Variants in EYS observed in about 807,000 individuals in gnomAD.
EYS encodes the protein EGF-like photoreceptor maintenance factor.
A neutral mutation model predicts 282.1 loss-of-function variants in EYS; 250 were observed. The observed-to-expected ratio is 0.89, with a 90% CI of 0.80 to 0.98. The LOEUF (loss-of-function observed/expected upper bound fraction) is 0.98. Ranked by LOEUF, EYS falls within the 50% of genes least tolerant of loss-of-function variation. EYS has a pLI of 0.00. For missense variants in EYS, 4,016 were observed against 3,709.0 expected (o/e 1.08, Z -2.15); for synonymous variants, 1,355 against 1,282.9 (o/e 1.06, Z -1.20).
intron 22 of EYS, among the ~76,000 whole-genome samples, chr6:64,804,783 A>C (rs1032887925): frequency 2.0e-5 from 3 of 152,178 alleles, no homozygotes; most frequent in African/African-American, 7.2e-5. Flanking sequence ...AAATAGTCAC[A>C]AATATATTTT....
intron 12 of EYS, among the ~76,000 whole-genome samples, chr6:65,146,807 A>G (rs770131279): frequency 1.1e-4 from 17 of 151,964 alleles, no homozygotes; most frequent in Non-Finnish European, 2.2e-4. Context: ...TATTCTTTTT[A>G]CCATTTGAAG....
intron 28 of EYS, among the ~76,000 whole-genome samples, chr6:64,410,067 G>A (rs1204506012): frequency 6.6e-6 from 1 of 151,984 alleles, no homozygotes; most frequent in Non-Finnish European, 1.5e-5. Flanking sequence ...AAAAATTAGG[G>A]CATTCATGGA....
At chr6:64,023,858 G>A (rs1224097222) in intron 33 of EYS, among the ~76,000 whole-genome samples, 1 of 152,206 alleles carries the variant, frequency 6.6e-6, no homozygotes, top group Non-Finnish European at 1.5e-5. Flanking sequence ...GGCTCAGTGG[G>A]CCCCGCACTC....
At chr6:64,668,061 C>A (rs1312398767) in intron 22 of EYS, among the ~76,000 whole-genome samples, 2 of 152,096 alleles carry the variant, frequency 1.3e-5, no homozygotes, top group African/African-American at 4.8e-5. Context: ...GTTACTGCTG[C>A]TCAAAATGTG....
At chr6:64,565,969 A>C (rs1765555646) in intron 26 of EYS, among the ~76,000 whole-genome samples, 1 of 151,206 alleles carries the variant, frequency 6.6e-6, no homozygotes, top group Middle Eastern at 3.4e-3. Flanking sequence ...AAAAAAAAAA[A>C]CACCAAGCAT....
intron 14 of EYS, among the ~76,000 whole-genome samples, chr6:64,955,382 G>C (rs1278116714): frequency 6.6e-6 from 1 of 152,114 alleles, no homozygotes; most frequent in African/African-American, 2.4e-5. Context: ...AATCGATATT[G>C]TTAAAACATC....
chr6:65,295,466 A>G (rs756949133), intron 12 of EYS, among the ~76,000 whole-genome samples: 5 of 151,920 alleles, frequency 3.3e-5, no homozygotes, highest in Non-Finnish European at 7.4e-5. Flanking sequence ...ACCAAATTTT[A>G]TTCTTAAACT....
At chr6:64,663,117 T>C (rs1027332007) in intron 22 of EYS, among the ~76,000 whole-genome samples, 2 of 96,282 alleles carry the variant, frequency 2.1e-5, no homozygotes, top group Non-Finnish European at 4.7e-5. Flanking sequence ...TTGATGATTT[T>C]CCTAAAAAAT....
chr6:65,199,044 A>G (rs775711997), intron 12 of EYS, among the ~76,000 whole-genome samples: 2 of 152,076 alleles, frequency 1.3e-5, no homozygotes, highest in African/African-American at 2.4e-5. Flanking sequence ...GGCAAATTAG[A>G]GATACAAATT....
intron 5 of EYS, among the ~76,000 whole-genome samples, chr6:65,424,689 A>G (rs921891024): frequency 3.9e-5 from 6 of 152,160 alleles, no homozygotes; most frequent in Admixed American, 2.0e-4. Flanking sequence ...GCTACCTCAG[A>G]AATATTTAAA....
In EYS at chr6:65,471,132, G is replaced by A. The variant is rs568067101; in HGVS notation, c.862+19462C>T. ...AGCCTGGGTGACAGAGCACGACGCC[G>A]TCTCAAAAAACAAACAAACAAAAAC... On this transcript the variant is annotated intron_variant, in intron 5 of 42. Transcript: ENST00000503581. Among the ~76,000 whole-genome samples the A allele has an allele frequency of 1.2e-4, 18 of 148,994 alleles. No homozygotes were observed. The South Asian group carries it at 2.1e-3, about 18-fold the overall frequency.
chr6:64,192,241 A>T lies in EYS; in HGVS notation c.6424+38351T>A, dbSNP rs538240796. On this transcript the variant is annotated intron_variant, in intron 31 of 42. Coordinates refer to ENST00000503581, the MANE Select transcript of EYS (RefSeq NM_001142800.2). ...ATTCTGGATATTAGCCCTTTGTCAG[A>T]TGAGTAGGTTGCGAAAATTTTCTCC... Among the ~76,000 whole-genome samples, 15 of 151,374 alleles carry T rather than the reference A, an allele frequency of 9.9e-5. 1 individual carries two copies. The East Asian group carries it at 2.1e-3, about 22-fold the overall frequency.
chr6:64,814,060 A>G (rs1057481848), intron 21 of EYS, among the ~76,000 whole-genome samples: 1 of 152,030 alleles, frequency 6.6e-6, no homozygotes, highest in Non-Finnish European at 1.5e-5. Flanking sequence ...CAATGCATTT[A>G]TATCCATGTA....
At chr6:64,116,322 A>G (rs1773384124) in intron 31 of EYS, among the ~76,000 whole-genome samples, 1 of 152,172 alleles carries the variant, frequency 6.6e-6, no homozygotes, top group African/African-American at 2.4e-5. Context: ...TTTCTCAGGA[A>G]GAACTTCGTA....
chr6:64,210,061 G>T (rs1765714702), intron 31 of EYS, among the ~76,000 whole-genome samples: 2 of 152,038 alleles, frequency 1.3e-5, no homozygotes, highest in Admixed American at 1.3e-4. Flanking sequence ...CTATGTGTAG[G>T]TTACAACTTA....
intron 30 of EYS, among the ~76,000 whole-genome samples, chr6:64,284,479 TG>T (rs1449340124): frequency 6.6e-6 from 1 of 152,030 alleles, no homozygotes; most frequent in East Asian, 1.9e-4. Flanking sequence ...TGAATGTCTG[TG>T]GCTGTAAGCT....
At chr6:65,604,347 T>C (rs1013468632) in intron 2 of EYS, among the ~76,000 whole-genome samples, 1 of 151,998 alleles carries the variant, frequency 6.6e-6, no homozygotes, top group African/African-American at 2.4e-5. Flanking sequence ...ACAATGTTGA[T>C]GTGCGGGCAA....
At chr6:63,762,974 A>G (rs1769686120) in intron 40 of EYS, among the ~76,000 whole-genome samples, 1 of 152,034 alleles carries the variant, frequency 6.6e-6, no homozygotes, top group South Asian at 2.1e-4. Flanking sequence ...TCCTAACTTC[A>G]AGCCTAGTGA....
At chr6:64,822,504 A>C in intron 20 of EYS, 147 bp downstream of exon 20, 1 of 644,856 alleles carries the variant, frequency 1.6e-6, no homozygotes, top group Admixed American at 3.5e-5. Flanking sequence ...TAAAACTGGC[A>C]GCATCTGTCA....
Sources: allele counts gnomAD v4.1 joint callset (sites outside exome capture counted in the v4.1 genomes callset), GRCh38; gene constraint gnomAD v4.1.1; transcripts MANE v1.5; gene names NCBI Gene and HGNC (gene_info 2026-07-23, HGNC 2026-07-21).